Variants in ANK3 observed in about 807,000 individuals in gnomAD.
ANK3 encodes ankyrin 3, also known as ankyrin-3.
ANK3 carries 57 observed loss-of-function variants against 370.9 expected under a neutral mutation model. The observed-to-expected ratio is 0.15, with a 90% CI of 0.12 to 0.19. ANK3 has a LOEUF of 0.19. Ranked by LOEUF, ANK3 falls within the 10% of genes least tolerant of loss-of-function variation. The pLI, the probability that ANK3 is intolerant of heterozygous loss-of-function variation, is 1.00. For missense variants in ANK3, 4,439 were observed against 5,302.1 expected (o/e 0.84, Z 5.06); for synonymous variants, 1,929 against 1,946.3 (o/e 0.99, Z 0.23).
chr10:60,185,089 T>G (rs187331477), intron 17 of ANK3, among the ~76,000 whole-genome samples: 20 of 152,222 alleles, frequency 1.3e-4, no homozygotes, highest in Admixed American at 1.2e-3. Flanking sequence ...TGAAATTGCT[T>G]TTTGATTCCC....
chr10:60,420,434 G>T (rs1276260297), intron 2 of ANK3, among the ~76,000 whole-genome samples: 1 of 152,010 alleles, frequency 6.6e-6, no homozygotes, highest in Non-Finnish European at 1.5e-5. Context: ...AGCATCAGAA[G>T]AGAGAGAATG....
intron 42 of ANK3, among the ~76,000 whole-genome samples, chr10:60,052,757 A>T (rs1222446321): frequency 6.6e-6 from 1 of 152,126 alleles, no homozygotes; most frequent in Non-Finnish European, 1.5e-5. Flanking sequence ...TTTGAAGTTA[A>T]TTCATTACCT....
intron 2 of ANK3, among the ~76,000 whole-genome samples, chr10:60,553,008 T>C (rs997619789): frequency 1.3e-5 from 2 of 152,224 alleles, no homozygotes; most frequent in African/African-American, 4.8e-5. Flanking sequence ...TCCCTGGCCA[T>C]GTGGAAGTGT....
chr10:60,546,905 G>C (rs994736849), intron 2 of ANK3, among the ~76,000 whole-genome samples: 4 of 151,956 alleles, frequency 2.6e-5, no homozygotes, highest in Admixed American at 6.6e-5. Context: ...ATTCCATAAG[G>C]TAGATAATAT....
At chr10:60,182,025 A>G (rs1301254639) in intron 17 of ANK3, among the ~76,000 whole-genome samples, 1 of 152,006 alleles carries the variant, frequency 6.6e-6, no homozygotes, top group Non-Finnish European at 1.5e-5. Context: ...ACACAAATCT[A>G]GACACTATAA....
At chr10:60,136,085 A>C (rs555891669) in intron 24 of ANK3, among the ~76,000 whole-genome samples, 1 of 151,006 alleles carries the variant, frequency 6.6e-6, no homozygotes, top group African/African-American at 2.4e-5. Flanking sequence ...GGGACCCATT[A>C]CTCTCTTTTT....
chr10:60,565,262 A>G (rs571800414), intron 2 of ANK3, among the ~76,000 whole-genome samples: 1 of 152,346 alleles, frequency 6.6e-6, no homozygotes, highest in South Asian at 2.1e-4. Context: ...ATCATCAGGC[A>G]TTAGATTCTC....
In ANK3 at chr10:60,441,819, A is replaced by C. The variant is rs190068295; in HGVS notation, c.97-162180T>G. Among the ~76,000 whole-genome samples the C allele has an allele frequency of 4.9e-3, 746 of 152,254 alleles. 7 individuals carry two copies. Among genetic ancestry groups the C allele is most frequent in the Non-Finnish European group, 8.1e-3 (552 of 68,014 alleles). ...TCCAAGTATTTATCATAATTTGCTTATTTTAACTTTCTCTGCCATATAAAC... is the reference window on the plus strand; with the variant it reads ...TCCAAGTATTTATCATAATTTGCTTCTTTTAACTTTCTCTGCCATATAAAC... On this transcript the variant is annotated intron_variant, in intron 2 of 43. Transcript: ENST00000373827.
At chr10:60,722,522 A>C (rs1014798940) in intron 1 of ANK3, among the ~76,000 whole-genome samples, 6 of 152,326 alleles carry the variant, frequency 3.9e-5, no homozygotes, top group Non-Finnish European at 1.5e-5. Context: ...AAATCTCTTA[A>C]GATGTCAAAT....
chr10:60,234,595 C>A, intron 8 of ANK3, 93 bp downstream of exon 8: 1 of 706,502 alleles, frequency 1.4e-6, no homozygotes, highest in Non-Finnish European at 2.5e-6. Flanking sequence ...GAACAGAAAA[C>A]AAAGCTCATG....
At chr10:60,260,529 T>C (rs1026533) in intron 7 of ANK3, among the ~76,000 whole-genome samples, 118,223 of 152,072 alleles carry the variant, frequency 0.78, 46,079 homozygotes, top group South Asian at 0.91. Context: ...TGCTTGATAT[T>C]GTGTAGATGT....
At chr10:60,294,291 C>G (rs924485441) in intron 1 of ANK3, among the ~76,000 whole-genome samples, 4 of 152,060 alleles carry the variant, frequency 2.6e-5, no homozygotes, top group African/African-American at 9.7e-5. Context: ...AATTACAATA[C>G]AGTGGACTTC....
chr10:60,320,200 C>G (rs767570518), intron 1 of ANK3, among the ~76,000 whole-genome samples: 1 of 152,198 alleles, frequency 6.6e-6, no homozygotes, highest in Admixed American at 6.6e-5. Flanking sequence ...CTCAAATCTT[C>G]CATGTGCTTT....
At position 60,028,316 on chromosome 10, in the gene ANK3, TGGG is replaced by T. The variant is rs2072545186; in HGVS notation, c.*1527_*1529del. 1 of 152,606 alleles carries T rather than the reference TGGG, an allele frequency of 6.6e-6. No individual in the cohort carries two copies. Among genetic ancestry groups the T allele is most frequent in the African/African-American group, 2.4e-5 (1 of 41,428 alleles). 9.5% of individuals were successfully genotyped at this position (152,606 alleles called of 1,614,324 possible). A position where few individuals can be genotyped will look rare whatever the true frequency, so the allele number is the denominator to read the frequency against. ...ACCACAGAGGCACAAAGAGGACCAA[TGGG>T]GTGGATTGGCCAGGACTCATATGAC... On this transcript the variant is annotated 3_prime_UTR_variant, in exon 44 of 44. Coordinates refer to ENST00000280772, the MANE Select transcript of ANK3 (RefSeq NM_020987.5).
At chr10:60,486,195 T>G (rs2075342470) in intron 2 of ANK3, among the ~76,000 whole-genome samples, 1 of 152,190 alleles carries the variant, frequency 6.6e-6, no homozygotes. Flanking sequence ...AATTTCATAA[T>G]TAAATCTCAT....
At chr10:60,296,592 T>C (rs1399216305) in intron 1 of ANK3, among the ~76,000 whole-genome samples, 6 of 152,216 alleles carry the variant, frequency 3.9e-5, no homozygotes, top group African/African-American at 1.2e-4. Context: ...CCTTCAAAGA[T>C]GAAGTTTTGC....
intron 2 of ANK3, among the ~76,000 whole-genome samples, chr10:60,417,190 CAT>C (rs1235585207): frequency 6.6e-6 from 1 of 152,160 alleles, no homozygotes; most frequent in Non-Finnish European, 1.5e-5. Flanking sequence ...CTCTGGGGAA[CAT>C]GTGTGCTCAG....
At chr10:60,523,203 T>C (rs958811322) in intron 2 of ANK3, among the ~76,000 whole-genome samples, 12 of 152,088 alleles carry the variant, frequency 7.9e-5, no homozygotes, top group Non-Finnish European at 1.6e-4. Context: ...GTACCAAAAG[T>C]AGTTCGTCAG....
At chr10:60,484,173 A>G (rs897900560) in intron 2 of ANK3, among the ~76,000 whole-genome samples, 1 of 152,216 alleles carries the variant, frequency 6.6e-6, no homozygotes, top group African/African-American at 2.4e-5. Flanking sequence ...TCTAAGATGG[A>G]AAAACCTGGA....
Sources: gnomAD v4.1 joint callset for allele counts (sites outside exome capture counted in the v4.1 genomes callset) on GRCh38, gnomAD v4.1.1 for gene constraint, MANE v1.5 for transcripts, NCBI Gene and HGNC (gene_info 2026-07-23, HGNC 2026-07-21) for gene names.